SRD5A2: variants seen among roughly 807,000 people sequenced by gnomAD.
The protein encoded by SRD5A2 is steroid 5 alpha-reductase 2, also known as 3-oxo-5-alpha-steroid 4-dehydrogenase 2.
Under a neutral mutation model 27.4 loss-of-function variants are expected in SRD5A2, and 30 were observed. The ratio of observed to expected loss-of-function variants is 1.10; its 90% CI spans 0.82 to 1.49. The LOEUF (loss-of-function observed/expected upper bound fraction) is 1.49, where lower values mean the gene tolerates loss of function less well. Among genes scored for constraint, SRD5A2 ranks in the 40% most tolerant of loss-of-function variants. The pLI is 0.00. For synonymous variants in SRD5A2, 141 were observed against 133.6 expected (o/e 1.06, Z -0.38); for missense variants, 348 against 323.4 (o/e 1.08, Z -0.58).
the SRD5A2 span, among the ~76,000 whole-genome samples, chr2:31,660,779 T>C: frequency 1.3e-5 from 2 of 152,052 alleles, no homozygotes; most frequent in African/African-American, 4.8e-5. Context: ...TATCTAAATG[T>C]TCAAGCATAA....
At chr2:31,583,830 G>C (rs1459437740), upstream of SRD5A2, among the ~76,000 whole-genome samples, 1 of 151,972 alleles carries the variant, frequency 6.6e-6, no homozygotes, top group Admixed American at 6.6e-5. Flanking sequence ...TATATCGACA[G>C]ATCCCTACAA....
At chr2:31,631,497 C>A in the SRD5A2 span, among the ~76,000 whole-genome samples, 56 of 152,020 alleles carry the variant, frequency 3.7e-4, no homozygotes, top group African/African-American at 1.3e-3. Flanking sequence ...CCCCCCAAGG[C>A]AAAAACACCC....
the SRD5A2 span, among the ~76,000 whole-genome samples, chr2:31,645,623 A>T: frequency 6.6e-6 from 1 of 152,180 alleles, no homozygotes; most frequent in African/African-American, 2.4e-5. Flanking sequence ...AAAAGTTAGA[A>T]ATGTTCATTA....
chr2:31,549,541 C>T (rs141611242), intron 1 of SRD5A2, among the ~76,000 whole-genome samples: 89 of 151,858 alleles, frequency 5.9e-4, no homozygotes, highest in African/African-American at 2.1e-3. Flanking sequence ...TGTATTTTGC[C>T]ACAATAAAAA....
chr2:31,660,367 G>A, the SRD5A2 span, among the ~76,000 whole-genome samples: 4 of 152,018 alleles, frequency 2.6e-5, no homozygotes, highest in Non-Finnish European at 5.9e-5. Flanking sequence ...CAAAATTACC[G>A]ATGCATTTAC....
the SRD5A2 span, among the ~76,000 whole-genome samples, chr2:31,644,821 T>C: frequency 1.3e-5 from 2 of 152,226 alleles, no homozygotes; most frequent in Non-Finnish European, 2.9e-5. Context: ...ATGTATTTGT[T>C]CCTAGGAAAT....
At chr2:31,629,649 C>T in the SRD5A2 span, among the ~76,000 whole-genome samples, 9 of 152,000 alleles carry the variant, frequency 5.9e-5, no homozygotes, top group South Asian at 4.1e-4. Context: ...AGCCAAGGGC[C>T]GACTAGAGGC....
At chr2:31,635,814 TC>T in the SRD5A2 span, among the ~76,000 whole-genome samples, 31 of 152,228 alleles carry the variant, frequency 2.0e-4, no homozygotes, top group African/African-American at 7.0e-4. Flanking sequence ...GATTTTCTTT[TC>T]CCATTGTATG....
chr2:31,578,212 T>C (rs961453279), intron 1 of SRD5A2, among the ~76,000 whole-genome samples: 1 of 152,090 alleles, frequency 6.6e-6, no homozygotes, highest in Non-Finnish European at 1.5e-5. Flanking sequence ...TTTTCCATTT[T>C]TCATTAGGAA....
the SRD5A2 span, among the ~76,000 whole-genome samples, chr2:31,631,261 C>A: frequency 6.6e-6 from 1 of 152,168 alleles, no homozygotes; most frequent in Non-Finnish European, 1.5e-5. Flanking sequence ...CACTAGAATC[C>A]AGCAGCCCAG....
At chr2:31,590,132 C>T in the SRD5A2 span, among the ~76,000 whole-genome samples, 1 of 152,060 alleles carries the variant, frequency 6.6e-6, no homozygotes, top group African/African-American at 2.4e-5. Flanking sequence ...TAGCATCAGA[C>T]CTGCCCAATC....
chr2:31,646,503 G>A, the SRD5A2 span, among the ~76,000 whole-genome samples: 1 of 152,056 alleles, frequency 6.6e-6, no homozygotes, highest in Non-Finnish European at 1.5e-5. Context: ...TCTCTTTAAC[G>A]ACATGTCCCA....
At chr2:31,532,804 G>A (rs1665941365) in intron 2 of SRD5A2, among the ~76,000 whole-genome samples, 1 of 152,044 alleles carries the variant, frequency 6.6e-6, no homozygotes, top group Non-Finnish European at 1.5e-5. Flanking sequence ...TGGTAGGGGA[G>A]CGGGGAGGGA....
intron 1 of SRD5A2, among the ~76,000 whole-genome samples, chr2:31,537,845 T>C (rs1237631325): frequency 6.6e-6 from 1 of 152,146 alleles, no homozygotes; most frequent in Non-Finnish European, 1.5e-5. Context: ...CTGCTATAAA[T>C]AGGACTTGAG....
chr2:31,638,048 T>C, the SRD5A2 span, among the ~76,000 whole-genome samples: 2 of 152,134 alleles, frequency 1.3e-5, no homozygotes, highest in Non-Finnish European at 2.9e-5. Context: ...TTCTACTTTT[T>C]TGATGTAAGC....
chr2:31,563,254 T>C (rs1666662959), intron 1 of SRD5A2: 1 of 151,938 alleles, frequency 6.6e-6, no homozygotes, highest in African/African-American at 2.4e-5. Flanking sequence ...TAGAGGTCAC[T>C]AAAACCAACA....
At chr2:31,607,052 A>G in the SRD5A2 span, among the ~76,000 whole-genome samples, 1 of 152,058 alleles carries the variant, frequency 6.6e-6, no homozygotes. Flanking sequence ...GAAATAAAAA[A>G]TTATGAATTA....
chr2:31,580,737 A>G lies in SRD5A2; in HGVS notation c.164T>C (p.Leu55Pro), dbSNP rs121434245. The change falls in exon 1 of 5, where the codon CTG becomes CCG. Residue 55 changes from leucine to proline, a missense_variant. Transcript: ENST00000622030. Reference protein sequence around the residue: ...TRLPARAAWFLQELPSFAVPA... With the variant: ...TRLPARAAWFPQELPSFAVPA... ...CACCGCGAAGGAAGGCAGCTCCTGC[A>G]GGAACCAGGCGGCGCGGGCTGGCAG... 6.2e-7 allele frequency: 1 copy of G among 1,609,420 alleles called. No homozygotes were observed.
At position 31,523,886 on chromosome 2, in the gene SRD5A2, C is replaced by T. The variant is rs967648547; in HGVS notation, c.*2310G>A. ...CAACAGCCCTAGAACACTGAGAATA[C>T]CTGAATTATCAAGGGAAGGTTTCAG... On this transcript the variant is annotated 3_prime_UTR_variant, in exon 5 of 5. Transcript: ENST00000622030. 1.8e-5 allele frequency: 4 copies of T among 219,376 alleles called. No individual in the cohort carries two copies. Among genetic ancestry groups the T allele is most frequent in the Non-Finnish European group, 1.8e-5 (2 of 109,468 alleles). 13.6% of individuals were successfully genotyped at this position (219,376 alleles called of 1,614,324 possible). A position where few individuals can be genotyped will look rare whatever the true frequency, so the allele number is the denominator to read the frequency against.
Sources: gnomAD v4.1 joint callset for allele counts (sites outside exome capture counted in the v4.1 genomes callset) on GRCh38, gnomAD v4.1.1 for gene constraint, MANE v1.5 for transcripts, NCBI Gene and HGNC (gene_info 2026-07-23, HGNC 2026-07-21) for gene names.